TRIM9: variants seen among roughly 807,000 people sequenced by gnomAD.
TRIM9 encodes tripartite motif containing 9, also known as E3 ubiquitin-protein ligase TRIM9.
A neutral mutation model predicts 78.3 loss-of-function variants in TRIM9; 26 were observed. The observed-to-expected ratio is 0.33, with a 90% CI of 0.24 to 0.46. The LOEUF (loss-of-function observed/expected upper bound fraction) is 0.46. Among genes scored for constraint, TRIM9 ranks in the 20% least tolerant of loss-of-function variants. The pLI is 1.00. For synonymous variants in TRIM9, 398 were observed against 416.5 expected (o/e 0.96, Z 0.54); for missense variants, 787 against 1,036.4 (o/e 0.76, Z 3.30).
chr14:51,037,674 A>C (rs2059264525), intron 1 of TRIM9, among the ~76,000 whole-genome samples: 1 of 152,010 alleles, frequency 6.6e-6, no homozygotes, highest in Non-Finnish European at 1.5e-5. Flanking sequence ...TTATAACTTA[A>C]TACTGGAATA....
chr14:50,997,651 A>T (rs2139477139), intron 7 of TRIM9: 2 of 1,076,280 alleles, frequency 1.9e-6, no homozygotes, highest in South Asian at 6.8e-5. Context: ...CAAGTACTAC[A>T]GAGTAATTTA....
At chr14:51,009,037 A>T (rs2139619888) in intron 5 of TRIM9, 43 bp downstream of exon 5, 1 of 1,603,638 alleles carries the variant, frequency 6.2e-7, no homozygotes, top group Middle Eastern at 1.8e-4. Context: ...ACCAGCATCC[A>T]CTCAGGATGT....
intron 7 of TRIM9, among the ~76,000 whole-genome samples, chr14:50,994,370 GC>G (rs1324643325): frequency 6.6e-6 from 1 of 152,224 alleles, no homozygotes. Flanking sequence ...TTGTGCCACT[GC>G]ACTGCAGCCT....
At chr14:51,063,247 G>A (rs1418109931) in intron 1 of TRIM9, among the ~76,000 whole-genome samples, 5 of 152,102 alleles carry the variant, frequency 3.3e-5, no homozygotes. Flanking sequence ...ATATACTGGA[G>A]TAGGCGGAAT....
Position 51,010,513 on chromosome 14 carries a change from C to A in TRIM9, c.1042-19G>T, listed in dbSNP as rs894311612. Reference sequence around the variant, plus strand: ...GAACCACCTAGGATTAAAAAAAAAACAACAGAACAGTCCAAGATGGCAGAG... The same window carrying A: ...GAACCACCTAGGATTAAAAAAAAAAAAACAGAACAGTCCAAGATGGCAGAG... On this transcript the variant is annotated intron_variant, in intron 3 of 12. Coordinates refer to ENST00000684578, the MANE Select transcript of TRIM9 (RefSeq NM_001387360.1). 5.8e-6 allele frequency: 9 copies of A among 1,555,804 alleles called. No homozygotes were observed. The African/African-American group carries it at 9.5e-5, about 16-fold the overall frequency.
At chr14:51,002,731 G>A (rs1490414919) in intron 5 of TRIM9, among the ~76,000 whole-genome samples, 1 of 152,086 alleles carries the variant, frequency 6.6e-6, no homozygotes, top group Non-Finnish European at 1.5e-5. Flanking sequence ...GAAAACAAAA[G>A]CAGTGACTGT....
At position 51,023,160 on chromosome 14, in the gene TRIM9, T is replaced by C. The variant is rs7141683; in HGVS notation, c.919-203A>G. Reference sequence around the variant, plus strand: ...TTAAATTTAGATTAAAAGGGATAAATATTTATCACTTAAATTTATCAAAAG... The same window carrying C: ...TTAAATTTAGATTAAAAGGGATAAACATTTATCACTTAAATTTATCAAAAG... On this transcript the variant is annotated intron_variant, in intron 2 of 12. Transcript: ENST00000684578. Among the ~76,000 whole-genome samples the C allele has an allele frequency of 3.1e-3, 473 of 152,342 alleles. 1 individual carries two copies. The highest frequency in any genetic ancestry group is 0.014 in the Middle Eastern group (4 of 294).
At chr14:51,078,502 C>T (rs2063005153) in intron 1 of TRIM9, among the ~76,000 whole-genome samples, 1 of 152,008 alleles carries the variant, frequency 6.6e-6, no homozygotes, top group South Asian at 2.1e-4. Flanking sequence ...TACATATATA[C>T]ACAATGGAAG....
At position 51,094,338 on chromosome 14, in the gene TRIM9, C is replaced by A; in HGVS notation, c.602G>T (p.Arg201Leu). ...DPCRLRCHPPRGPLAKHRLVP... is the reference protein window; with the variant it reads ...DPCRLRCHPPLGPLAKHRLVP... ...CAGGCGGTGCTTGGCTAGGGGCCCC[C>A]GGGGCGGGTGGCAGCGCAGGCGGCA... Residue 201 changes from arginine (R) to leucine (L), a missense_variant, in exon 1 of 13, where the codon CGG (arginine) becomes CTG (leucine). Around this residue, in one of 3 missense-constraint regions of TRIM9, gnomAD observed 352 missense variants for 472.3 expected, o/e 0.75. Coordinates refer to ENST00000684578, the MANE Select transcript of TRIM9 (RefSeq NM_001387360.1). The A allele has an allele frequency of 6.2e-7, 1 of 1,613,510 alleles. No individual in the cohort carries two copies. Among genetic ancestry groups the A allele is most frequent in the South Asian group, 1.1e-5 (1 of 91,058 alleles).
At chr14:50,980,717 T>C (rs1356680884) in intron 11 of TRIM9, among the ~76,000 whole-genome samples, 8 of 152,220 alleles carry the variant, frequency 5.3e-5, no homozygotes, top group Non-Finnish European at 5.9e-5. Context: ...TTCCACAAAA[T>C]GCCGATCACT....
intron 8 of TRIM9, 54 bp downstream of exon 8, chr14:50,985,902 A>G (rs549277789): frequency 7.4e-7 from 1 of 1,355,022 alleles, no homozygotes; most frequent in South Asian, 2.0e-5. Context: ...CGCGTTTCAG[A>G]GATGCCTTCA....
chr14:51,086,263 C>A (rs1042603444), intron 1 of TRIM9, among the ~76,000 whole-genome samples: 7 of 152,224 alleles, frequency 4.6e-5, no homozygotes, highest in African/African-American at 1.2e-4. Flanking sequence ...TCTGACCCTG[C>A]CAATTACAAC....
chr14:50,976,040 G>C lies in TRIM9; in HGVS notation c.*1251C>G, dbSNP rs1166888137. Reference sequence around the variant, plus strand: ...ATATGGAGACAAGCATGTTTATCCTGAGAATGTGAATGCTGTGGACTGCAA... The same window carrying C: ...ATATGGAGACAAGCATGTTTATCCTCAGAATGTGAATGCTGTGGACTGCAA... On this transcript the variant is annotated 3_prime_UTR_variant, in exon 13 of 13. Coordinates refer to ENST00000684578, the MANE Select transcript of TRIM9 (RefSeq NM_001387360.1). The C allele has an allele frequency of 3.3e-5, 5 of 152,588 alleles. No homozygotes were observed. Among genetic ancestry groups the C allele is most frequent in the African/African-American group, 1.2e-4 (5 of 41,426 alleles). The allele number at this position is 152,588 out of a possible 1,614,324, so 9.5% of individuals were successfully genotyped here.
intron 1 of TRIM9, among the ~76,000 whole-genome samples, chr14:51,066,498 G>A (rs1335779864): frequency 1.3e-5 from 2 of 152,188 alleles, no homozygotes; most frequent in Admixed American, 6.5e-5. Flanking sequence ...GCTTCTCAGT[G>A]TCTTTACTGG....
intron 1 of TRIM9, among the ~76,000 whole-genome samples, chr14:51,081,018 G>C (rs2063261920): frequency 6.6e-6 from 1 of 152,202 alleles, no homozygotes; most frequent in African/African-American, 2.4e-5. Context: ...GTCTTGATAA[G>C]ATTTCCTCCC....
At chr14:51,018,833 T>G (rs762629561) in intron 3 of TRIM9, among the ~76,000 whole-genome samples, 2 of 151,944 alleles carry the variant, frequency 1.3e-5, no homozygotes, top group African/African-American at 4.8e-5. Context: ...ACTGTAACAT[T>G]TTTTTTCTTT....
rs570755750 is a variant in TRIM9, at chr14:51,069,554, G to A, written c.822+24564C>T. ...GGCTGCACTGAGAAACTGCAAATCCGAGGCCCTCGGGACAAGCCAGGCATG... is the reference window on the plus strand; with the variant it reads ...GGCTGCACTGAGAAACTGCAAATCCAAGGCCCTCGGGACAAGCCAGGCATG... On this transcript the variant is annotated intron_variant, in intron 1 of 12. Transcript: ENST00000684578. Among the ~76,000 whole-genome samples, 6 of 152,316 alleles carry A rather than the reference G, an allele frequency of 3.9e-5. No homozygotes were observed. In the South Asian group the frequency reaches 1.2e-3, roughly 32 times the overall value.
intron 11 of TRIM9, 59 bp from the exon 12 acceptor site, chr14:50,979,608 C>T (rs1414884192): frequency 1.4e-6 from 2 of 1,447,056 alleles, no homozygotes; most frequent in Admixed American, 1.8e-5. Context: ...GAAGCTCCCC[C>T]CTTTTGTGTG....
At chr14:51,018,466 A>G (rs960399109) in intron 3 of TRIM9, among the ~76,000 whole-genome samples, 1 of 152,212 alleles carries the variant, frequency 6.6e-6, no homozygotes, top group Non-Finnish European at 1.5e-5. Context: ...ATATGCCAAT[A>G]ATATCCGTAA....
Sources: allele counts gnomAD v4.1 joint callset (sites outside exome capture counted in the v4.1 genomes callset), GRCh38; gene constraint gnomAD v4.1.1; regional missense constraint gnomAD v4.1.1; transcripts MANE v1.5; gene names NCBI Gene and HGNC (gene_info 2026-07-23, HGNC 2026-07-21).